The following LEPROTL1 variants were observed in gnomAD, a reference collection of about 807,000 sequenced individuals.
LEPROTL1 encodes leptin receptor overlapping transcript like 1.
LEPROTL1 carries 6 observed loss-of-function variants against 15.4 expected under a neutral mutation model. The observed-to-expected ratio is 0.39, with a 90% CI of 0.21 to 0.77. LEPROTL1 has a LOEUF of 0.77. LEPROTL1 is among the 30% of genes least tolerant of loss of function. The pLI is 0.41. For missense variants in LEPROTL1, 128 were observed against 158.1 expected, an observed-to-expected ratio of 0.81 and a Z score of 1.02; for synonymous variants, 56 against 52.6, an observed-to-expected ratio of 1.06 and a Z score of -0.28.
chr8:30,098,883 G>A (rs927797507), intron 1 of LEPROTL1, among the ~76,000 whole-genome samples: 1 of 152,168 alleles, frequency 6.6e-6, no homozygotes, highest in African/African-American at 2.4e-5. Flanking sequence ...GTAGGAAATC[G>A]CAGCTGATAA....
intron 3 of LEPROTL1, 28 bp from the exon 4 acceptor site, chr8:30,105,718 G>A (rs377616301): frequency 3.8e-6 from 6 of 1,579,238 alleles, no homozygotes; most frequent in Non-Finnish European, 5.2e-6. Flanking sequence ...TTTCATGCCT[G>A]TTGACTGAGT....
chr8:30,137,487 C>G, exon 5 of LEPROTL1: 1 of 1,551,432 alleles, frequency 6.4e-7, no homozygotes, highest in Non-Finnish European at 8.7e-7. Flanking sequence ...TTTGCCCTCC[C>G]TCTCAGGCAC....
chr8:30,111,169 A>G (rs2117496882), downstream of LEPROTL1, among the ~76,000 whole-genome samples: 1 of 152,334 alleles, frequency 6.6e-6, no homozygotes, highest in East Asian at 1.9e-4. Context: ...GAGGGTCTAA[A>G]TCATCAACTT....
At chr8:30,122,143 G>C (rs959740632) in intron 3 of LEPROTL1, among the ~76,000 whole-genome samples, 1 of 151,718 alleles carries the variant, frequency 6.6e-6, no homozygotes, top group African/African-American at 2.4e-5. Flanking sequence ...CTCCAGCCTG[G>C]GCAACAGAGC....
At chr8:30,113,670 A>G (rs1213883840) in intron 3 of LEPROTL1, among the ~76,000 whole-genome samples, 2 of 152,184 alleles carry the variant, frequency 1.3e-5, no homozygotes, top group African/African-American at 2.4e-5. Flanking sequence ...AGCGAGGATA[A>G]GAATACCAAG....
Position 30,120,308 on chromosome 8 carries a change from C to A in LEPROTL1, c.280-12067C>A, listed in dbSNP as rs181620507. Among the ~76,000 whole-genome samples the A allele has an allele frequency of 2.4e-3, 365 of 152,068 alleles. 1 individual carries two copies. The highest frequency in any genetic ancestry group is 6.8e-3 in the Middle Eastern group (2 of 294). The stretch of plus-strand genomic sequence containing the variant: ...ACAAACATAAAAGAACAGCATGGAT[C>A]CAGATCTCCCCCAGCCATTTGGGGA... On this transcript the variant is annotated intron_variant, in intron 3 of 4. Coordinates refer to the LEPROTL1 transcript ENST00000442880.
chr8:30,100,958 A>G (rs1396780552), intron 1 of LEPROTL1, among the ~76,000 whole-genome samples: 2 of 152,204 alleles, frequency 1.3e-5, no homozygotes, highest in South Asian at 2.1e-4. Flanking sequence ...GTGATACCTC[A>G]GAAGGATTAT....
chr8:30,111,257 TA>T (rs1802650210), downstream of LEPROTL1, among the ~76,000 whole-genome samples: 1 of 152,074 alleles, frequency 6.6e-6, no homozygotes, highest in South Asian at 2.1e-4. Flanking sequence ...CCCTAAGAAT[TA>T]AAAGAAAAAG....
rs141050526 is a variant in LEPROTL1, at chr8:30,107,196, G to T, written c.*1334G>T. ...AAAGGCATTTGTTGTGTGAGTTAAT[G>T]CAAAGTAGCCAAGTCCAGCTATATA... On this transcript the variant is annotated 3_prime_UTR_variant, in exon 4 of 4. Coordinates refer to ENST00000321250, the MANE Select transcript of LEPROTL1 (RefSeq NM_015344.3). 5.9e-4 allele frequency: 583 copies of T among 985,406 alleles called. No individual in the cohort carries two copies. The highest frequency in any genetic ancestry group is 6.6e-4 in the Non-Finnish European group (551 of 829,932). The allele number at this position is 985,406 out of a possible 1,614,324, so 61.0% of individuals were successfully genotyped here. A position where few individuals can be genotyped will look rare whatever the true frequency, so the allele number is the denominator to read the frequency against.
chr8:30,106,627 T>A lies in LEPROTL1; in HGVS notation c.*765T>A, dbSNP rs749467666. On this transcript the variant is annotated 3_prime_UTR_variant, in exon 4 of 4. Coordinates refer to ENST00000321250, the MANE Select transcript of LEPROTL1 (RefSeq NM_015344.3). ...AGGTTTTTATTTATGTTTATTATTG[T>A]TAGAGTGAGTTGCAATGTGGGAAGA... The A allele has an allele frequency of 1.2e-4, 116 of 982,568 alleles. No individual in the cohort carries two copies. Among genetic ancestry groups the A allele is most frequent in the Non-Finnish European group, 1.4e-4 (116 of 827,058 alleles). 60.9% of individuals were successfully genotyped at this position (982,568 alleles called of 1,614,324 possible).
exon 5 of LEPROTL1, chr8:30,137,509 C>T: frequency 6.5e-7 from 1 of 1,540,354 alleles, no homozygotes; most frequent in Non-Finnish European, 8.8e-7. Context: ...ATGACAACTA[C>T]TGCTCAGTGC....
chr8:30,107,188 G>A lies in LEPROTL1; in HGVS notation c.*1326G>A, dbSNP rs1410820196. On this transcript the variant is annotated 3_prime_UTR_variant, in exon 4 of 4. Transcript: ENST00000321250. The stretch of plus-strand genomic sequence containing the variant: ...TCCTTATAAAAGGCATTTGTTGTGT[G>A]AGTTAATGCAAAGTAGCCAAGTCCA... 2 of 985,294 alleles carry A rather than the reference G, an allele frequency of 2.0e-6. No homozygotes were observed. Among genetic ancestry groups the A allele is most frequent in the Admixed American group, 6.2e-5 (1 of 16,250 alleles). The allele number at this position is 985,294 out of a possible 1,614,324, so 61.0% of individuals were successfully genotyped here.
At chr8:30,112,401 ATTTTTTTTTTTTTTTTTT>A (rs10684450), downstream of LEPROTL1, among the ~76,000 whole-genome samples, 5 of 27,888 alleles carry the variant, frequency 1.8e-4, no homozygotes, top group Middle Eastern at 0.071. Context: ...TGCCCAGCTA[ATTTTTTTTTTTTTTTTTT>A]TTTTTTTTTT....
chr8:30,097,698 TACAC>T lies in LEPROTL1; in HGVS notation c.16+2196_16+2199del, dbSNP rs71204262. ...AAAAAAAAAAAAATATATATATATA[TACAC>T]ACACACACACACACACACACACACA... On this transcript the variant is annotated intron_variant, in intron 1 of 3. Transcript: ENST00000321250. Among the ~76,000 whole-genome samples, 179 of 108,766 alleles carry T rather than the reference TACAC, an allele frequency of 1.6e-3. 4 individuals carry two copies. Among genetic ancestry groups the T allele is most frequent in the African/African-American group, 5.4e-3 (153 of 28,182 alleles). 71.4% of individuals were successfully genotyped at this position (108,766 alleles called of 152,430 possible).
Position 30,107,029 on chromosome 8 carries a change from A to G in LEPROTL1, c.*1167A>G. On this transcript the variant is annotated 3_prime_UTR_variant, in exon 4 of 4. Transcript: ENST00000321250. ...ATAATTCATGCATTAACAGTTTAAGATTTAGACCATGGTAATAGTAGTTCT... is the reference window on the plus strand; with the variant it reads ...ATAATTCATGCATTAACAGTTTAAGGTTTAGACCATGGTAATAGTAGTTCT... 11 of 979,596 alleles carry G rather than the reference A, an allele frequency of 1.1e-5. No homozygotes were observed. Among genetic ancestry groups the G allele is most frequent in the Non-Finnish European group, 1.3e-5 (11 of 824,590 alleles). 60.7% of individuals were successfully genotyped at this position (979,596 alleles called of 1,614,324 possible). A position where few individuals can be genotyped will look rare whatever the true frequency, so the allele number is the denominator to read the frequency against.
chr8:30,108,581 A>C (rs1409407320), downstream of LEPROTL1: 2 of 152,102 alleles, frequency 1.3e-5, no homozygotes, highest in East Asian at 3.8e-4. Flanking sequence ...TACTTTAAAA[A>C]GTTTAGGCTG....
At chr8:30,102,308 A>AT (rs1395323027) in intron 2 of LEPROTL1, among the ~76,000 whole-genome samples, 2 of 143,124 alleles carry the variant, frequency 1.4e-5, no homozygotes, top group Non-Finnish European at 3.0e-5. Flanking sequence ...TTGCAAAAAA[A>AT]TACCATAAGC....
chr8:30,137,263 G>C (rs1016655812), intron 4 of LEPROTL1: 23 of 1,549,118 alleles, frequency 1.5e-5, no homozygotes, highest in African/African-American at 2.7e-5. Flanking sequence ...CTTGATTTCT[G>C]TTTTCTAGAT....
rs16876459 is a variant in LEPROTL1, at chr8:30,107,287, C to T, written c.*1425C>T. 4.9e-5 allele frequency: 48 copies of T among 985,332 alleles called. No individual in the cohort carries two copies. In the East Asian group the frequency reaches 3.4e-3, roughly 70 times the overall value. The allele number at this position is 985,332 out of a possible 1,614,324, so 61.0% of individuals were successfully genotyped here. Reference sequence around the variant, plus strand: ...CCAGGCATGATCAATTTATAGTGGTCGTTTACATCTAATAATTATCAGGAC... The same window carrying T: ...CCAGGCATGATCAATTTATAGTGGTTGTTTACATCTAATAATTATCAGGAC... On this transcript the variant is annotated 3_prime_UTR_variant, in exon 4 of 4. Coordinates refer to ENST00000321250, the MANE Select transcript of LEPROTL1 (RefSeq NM_015344.3).
Sources: gnomAD v4.1 joint callset for allele counts (sites outside exome capture counted in the v4.1 genomes callset) on GRCh38, gnomAD v4.1.1 for gene constraint, MANE v1.5 for transcripts, NCBI Gene and HGNC (gene_info 2026-07-23, HGNC 2026-07-21) for gene names.